BRSK2: variants seen among roughly 807,000 people sequenced by gnomAD.
BRSK2 encodes the protein BR serine/threonine kinase 2.
BRSK2 carries 19 observed loss-of-function variants against 83.3 expected under a neutral mutation model. That is an observed-to-expected ratio of 0.23 (90% CI 0.16 to 0.33). BRSK2 has a LOEUF of 0.33. Among genes scored for constraint, BRSK2 ranks in the 10% least tolerant of loss-of-function variants. The pLI, the probability that BRSK2 is intolerant of heterozygous loss-of-function variation, is 1.00. For missense variants in BRSK2, 798 were observed against 1,042.3 expected (o/e 0.77, Z 3.23); for synonymous variants, 519 against 435.4 (o/e 1.19, Z -2.39).
At chr11:1,443,298 C>T (rs530285474) in intron 6 of BRSK2, 37 bp from the exon 7 acceptor site, 1 of 1,581,244 alleles carries the variant, frequency 6.3e-7, no homozygotes, top group African/African-American at 1.3e-5. Flanking sequence ...CCGCCCTGCC[C>T]TGCGCCCCCC....
At chr11:1,391,901 T>C (rs147652569) in intron 1 of BRSK2, among the ~76,000 whole-genome samples, 1 of 152,142 alleles carries the variant, frequency 6.6e-6, no homozygotes, top group African/African-American at 2.4e-5. Context: ...CCACTCTTCA[T>C]GGCATTCTGC....
Position 1,456,548 on chromosome 11 carries a change from G to A in BRSK2, c.1849+20G>A. On this transcript the variant is annotated intron_variant, in intron 17 of 19. Transcript: ENST00000528841. Reference sequence around the variant, plus strand: ...TCTCAGGTGAGCTGGCGCCCCCAGGGCGGCTCCGGGCCCAGGCCCGTCCAG... The same window carrying A: ...TCTCAGGTGAGCTGGCGCCCCCAGGACGGCTCCGGGCCCAGGCCCGTCCAG... The A allele has an allele frequency of 6.3e-7, 1 of 1,597,426 alleles. No individual in the cohort carries two copies. Among genetic ancestry groups the A allele is most frequent in the East Asian group, 2.2e-5 (1 of 44,592 alleles).
At chr11:1,445,521 A>G (rs1382553833) in intron 10 of BRSK2, 50 bp from the exon 11 acceptor site, 1 of 1,602,670 alleles carries the variant, frequency 6.2e-7, no homozygotes, top group Non-Finnish European at 8.5e-7. Context: ...GCCCCGGAGG[A>G]GCCGGCGGCC....
intron 1 of BRSK2, among the ~76,000 whole-genome samples, chr11:1,395,426 C>T (rs545287705): frequency 2.6e-4 from 40 of 152,320 alleles, no homozygotes; most frequent in East Asian, 5.8e-4. Context: ...CTGCCCCTGG[C>T]GTCTTCCTGC....
rs1564852800 is a variant in BRSK2 at position 1,443,648 on chromosome 11, GGAGCGGGGCGGCCCCA to G, written c.780+19_780+34del. On this transcript the variant is annotated intron_variant, in intron 8 of 19. Coordinates refer to ENST00000528841, the MANE Select transcript of BRSK2 (RefSeq NM_001256627.2). ...ACGCCGCCTCACGGTGCGTGCCCTC[GGAGCGGGGCGGCCCCA>G]GAGCGTGGCGGGGGGGCGCGGGGGC... The G allele has an allele frequency of 1.3e-6, 2 of 1,574,190 alleles. No individual in the cohort carries two copies. The highest frequency in any genetic ancestry group is 2.2e-5 in the South Asian group (2 of 89,008).
intron 1 of BRSK2, among the ~76,000 whole-genome samples, chr11:1,403,521 G>A (rs77338313): frequency 0.016 from 2,443 of 152,350 alleles, 22 homozygotes; most frequent in Non-Finnish European, 0.025. Flanking sequence ...AGGCTCATGG[G>A]ATGGGCAGGG....
rs563780599 is a variant in BRSK2 at position 1,460,740 on chromosome 11, C to A, written c.*17C>A. On this transcript the variant is annotated 3_prime_UTR_variant, in exon 20 of 20. Coordinates refer to ENST00000528841, the MANE Select transcript of BRSK2 (RefSeq NM_001256627.2). The stretch of plus-strand genomic sequence containing the variant: ...CAGCCTTAGACACACTAGCCCCCCC[C>A]CCCAGCACAGCACTGACAGCGGCTG... The A allele has an allele frequency of 5.8e-3, 8,278 of 1,415,818 alleles. 56 individuals carry two copies. Among genetic ancestry groups the A allele is most frequent in the Non-Finnish European group, 6.5e-3 (7,019 of 1,079,758 alleles). 87.7% of individuals were successfully genotyped at this position (1,415,818 alleles called of 1,614,324 possible). A position where few individuals can be genotyped will look rare whatever the true frequency, so the allele number is the denominator to read the frequency against.
At chr11:1,395,710 G>A (rs1197724688) in intron 1 of BRSK2, among the ~76,000 whole-genome samples, 11 of 152,088 alleles carry the variant, frequency 7.2e-5, no homozygotes, top group South Asian at 4.1e-4. Flanking sequence ...AGAGGGCACC[G>A]CCCGGCCCTG....
At chr11:1,399,192 C>A (rs568281218) in intron 1 of BRSK2, among the ~76,000 whole-genome samples, 520 of 152,344 alleles carry the variant, frequency 3.4e-3, no homozygotes, top group Non-Finnish European at 5.4e-3. Context: ...GGGCAGGCCC[C>A]CCAGGGCAGG....
intron 16 of BRSK2, among the ~76,000 whole-genome samples, chr11:1,455,166 G>A (rs1192159124): frequency 6.6e-6 from 1 of 152,130 alleles, no homozygotes; most frequent in Non-Finnish European, 1.5e-5. Flanking sequence ...GGGTTAGGAG[G>A]AGCAGAAAGG....
rs1845781883 is a variant in BRSK2, at chr11:1,451,227, G to T, written c.1496-144G>T. On this transcript the variant is annotated intron_variant, in intron 14 of 19. Transcript: ENST00000528841. ...TGGGCCTCTAAGGTGGCCGGGAGCT[G>T]GGGTGGACCAGTGCCCCTGGGGGGG... is the stretch of plus-strand genomic sequence containing the variant. 7.6e-6 allele frequency: 7 copies of T among 917,272 alleles called. No homozygotes were observed. In the South Asian group the frequency reaches 1.0e-4, roughly 13 times the overall value. The allele number at this position is 917,272 out of a possible 1,614,324, so 56.8% of individuals were successfully genotyped here.
intron 8 of BRSK2, 53 bp from the exon 9 acceptor site, chr11:1,444,918 G>A (rs1192836858): frequency 6.4e-7 from 1 of 1,561,216 alleles, no homozygotes; most frequent in Non-Finnish European, 8.8e-7. Flanking sequence ...CTCCTAATGT[G>A]GGCTCTTTCC....
Position 1,454,404 on chromosome 11 carries a change from T to C in BRSK2, c.1545-81T>C, listed in dbSNP as rs1846218743. 4 of 1,547,148 alleles carry C rather than the reference T, an allele frequency of 2.6e-6. No individual in the cohort carries two copies. In the Admixed American group the frequency reaches 6.8e-5, roughly 26 times the overall value. On this transcript the variant is annotated intron_variant, in intron 15 of 19. Coordinates refer to ENST00000528841, the MANE Select transcript of BRSK2 (RefSeq NM_001256627.2). The surrounding 1 kb of genome is among the most constrained non-coding windows in gnomAD (Gnocchi z 5.2). ...ACGAAGCGATGGAAGATTCCGCCGT[T>C]CCAACCCCAGATTCGAGGGAGGCAG...
At chr11:1,425,676 C>T (rs1849131498) in intron 1 of BRSK2, among the ~76,000 whole-genome samples, 1 of 152,224 alleles carries the variant, frequency 6.6e-6, no homozygotes, top group African/African-American at 2.4e-5. Flanking sequence ...CCCCACACCC[C>T]CGCTCGTCTC....
chr11:1,407,882 G>A (rs1847011460), intron 1 of BRSK2, among the ~76,000 whole-genome samples: 1 of 152,184 alleles, frequency 6.6e-6, no homozygotes, highest in African/African-American at 2.4e-5. Flanking sequence ...TTTGCCCAGT[G>A]TGCCCTCAGA....
At chr11:1,406,045 C>T (rs1165939832) in intron 1 of BRSK2, among the ~76,000 whole-genome samples, 1 of 152,148 alleles carries the variant, frequency 6.6e-6, no homozygotes, top group African/African-American at 2.4e-5. Context: ...TGTCCCAGCT[C>T]CTCACACTGT....
At chr11:1,420,513 G>C (rs118072498) in intron 1 of BRSK2, among the ~76,000 whole-genome samples, 1 of 152,174 alleles carries the variant, frequency 6.6e-6, no homozygotes, top group East Asian at 1.9e-4. Flanking sequence ...AGGTTCCCCC[G>C]TCACGGCCAG....
chr11:1,461,123 C>A lies in BRSK2; in HGVS notation c.*400C>A. 1 of 1,359,904 alleles carries A rather than the reference C, an allele frequency of 7.4e-7. No homozygotes were observed. The highest frequency in any genetic ancestry group is 1.0e-6 in the Non-Finnish European group (1 of 993,130). 84.2% of individuals were successfully genotyped at this position (1,359,904 alleles called of 1,614,324 possible). A position where few individuals can be genotyped will look rare whatever the true frequency, so the allele number is the denominator to read the frequency against. On this transcript the variant is annotated 3_prime_UTR_variant, in exon 20 of 20. Transcript: ENST00000528841. ...CCGTCCACCCCGCGGCAGCTCCTCG[C>A]CTCAGCTCCGCACGGCCCGTGGGAG...
chr11:1,448,256 G>A (rs943418899), intron 12 of BRSK2, among the ~76,000 whole-genome samples: 1 of 152,204 alleles, frequency 6.6e-6, no homozygotes, highest in Non-Finnish European at 1.5e-5. Context: ...AGGAGCTGAG[G>A]AGGGCAGGAG....
Sources: gnomAD v4.1 joint callset for allele counts (sites outside exome capture counted in the v4.1 genomes callset) on GRCh38, gnomAD v4.1.1 for gene constraint, Gnocchi (gnomAD v3.1) non-coding constraint, MANE v1.5 for transcripts, NCBI Gene and HGNC (gene_info 2026-07-23, HGNC 2026-07-21) for gene names.